Variants in SPEG observed in about 807,000 individuals in gnomAD.
SPEG encodes the protein striated muscle enriched protein kinase.
SPEG carries 114 observed loss-of-function variants against 300.4 expected under a neutral mutation model. The observed-to-expected ratio is 0.38, with a 90% CI of 0.33 to 0.44. The LOEUF is 0.44. Among genes scored for constraint, SPEG ranks in the 20% least tolerant of loss-of-function variants. SPEG has a pLI of 1.00. For missense variants in SPEG, 4,201 were observed against 4,586.2 expected (o/e 0.92, Z 2.43); for synonymous variants, 1,964 against 2,018.9 (o/e 0.97, Z 0.73).
chr2:219,491,984 C>G (rs181364856), intron 39 of SPEG, 115 bp downstream of exon 39: 1 of 1,346,334 alleles, frequency 7.4e-7, no homozygotes, highest in Non-Finnish European at 1.0e-6. Flanking sequence ...CACATCCACA[C>G]TGCACACTCA....
chr2:219,484,667 G>C lies in SPEG; in HGVS notation c.7204G>C (p.Glu2402Gln), dbSNP rs1246549122. 6.5e-7 allele frequency: 1 copy of C among 1,528,912 alleles called. No individual in the cohort carries two copies. The highest frequency in any genetic ancestry group is 1.2e-5 in the South Asian group (1 of 83,638). The allele number at this position is 1,528,912 out of a possible 1,614,324, so 94.7% of individuals were successfully genotyped here. ...RSVQDLRAVG[E>Q]PGLVRRLSLS... ...GGTGCAGGACCTCAGGGCTGTCGGA[G>C]AGCCTGGCCTCGTCCGCCGCCTCTC... Residue 2402 changes from glutamate (E) to glutamine (Q), a missense_variant, in exon 30 of 41, where the codon GAG (glutamate) becomes CAG (glutamine). Transcript: ENST00000312358.
chr2:219,482,310 C>T (rs1276150689), intron 28 of SPEG: 1 of 171,998 alleles, frequency 5.8e-6, no homozygotes, highest in Non-Finnish European at 1.3e-5. Context: ...CTTTCTCAGA[C>T]CGGAAATGAG....
rs999831564 is a variant in SPEG, at chr2:219,480,331, A to C, written c.5342+191A>C. ...GAGTCAGGGCTGCCCCATTCTCTCAAGGCCTCAGCCCTGTTAGTCCTTGAC... is the reference window on the plus strand; with the variant it reads ...GAGTCAGGGCTGCCCCATTCTCTCACGGCCTCAGCCCTGTTAGTCCTTGAC... On this transcript the variant is annotated intron_variant, in intron 25 of 40. Coordinates refer to ENST00000312358, the MANE Select transcript of SPEG (RefSeq NM_005876.5). The surrounding 1 kb of genome is among the most constrained non-coding windows in gnomAD (Gnocchi z 5.3). Among the ~76,000 whole-genome samples, 2 of 152,034 alleles carry C rather than the reference A, an allele frequency of 1.3e-5. No individual in the cohort carries two copies. The highest frequency in any genetic ancestry group is 4.8e-5 in the African/African-American group (2 of 41,376).
At chr2:219,454,717 G>GCAAC (rs1272589542) in intron 6 of SPEG, among the ~76,000 whole-genome samples, 1 of 152,200 alleles carries the variant, frequency 6.6e-6, no homozygotes, top group Non-Finnish European at 1.5e-5. Flanking sequence ...TCTGCCTAGG[G>GCAAC]ATGTTTTCAG....
At chr2:219,450,482 ATC>A (rs1689661289) in intron 4 of SPEG, among the ~76,000 whole-genome samples, 1 of 152,178 alleles carries the variant, frequency 6.6e-6, no homozygotes, top group South Asian at 2.1e-4. Context: ...GGAGTTTGTC[ATC>A]TCTCTGTATG....
chr2:219,460,275 C>G (rs1249360059), intron 6 of SPEG: 1 of 981,796 alleles, frequency 1.0e-6, no homozygotes, highest in Non-Finnish European at 1.2e-6. Context: ...TGAAGGAGGG[C>G]AAAGATCTTG....
At chr2:219,482,021 T>C in intron 28 of SPEG, 1 of 439,122 alleles carries the variant, frequency 2.3e-6, no homozygotes, top group South Asian at 2.8e-5. Flanking sequence ...ATCTCTGTCC[T>C]GCACTGGTCC....
chr2:219,458,321 A>G lies in SPEG; in HGVS notation c.2441-3561A>G, dbSNP rs957561646. On this transcript the variant is annotated intron_variant, in intron 6 of 40. Coordinates refer to ENST00000312358, the MANE Select transcript of SPEG (RefSeq NM_005876.5). The surrounding 1 kb of genome is among the most constrained non-coding windows in gnomAD (Gnocchi z 4.2). ...GGGGAGCTTGGCAAAGAGACCATGGAGCGGTGGTCCTCAGAGTGAGGCCCC... is the reference window on the plus strand; with the variant it reads ...GGGGAGCTTGGCAAAGAGACCATGGGGCGGTGGTCCTCAGAGTGAGGCCCC... Among the ~76,000 whole-genome samples, 3 of 151,838 alleles carry G rather than the reference A, an allele frequency of 2.0e-5. No homozygotes were observed. The highest frequency in any genetic ancestry group is 7.3e-5 in the African/African-American group (3 of 41,310).
At position 219,472,408 on chromosome 2, in the gene SPEG, C is replaced by T. The variant is rs1027046445; in HGVS notation, c.3940+77C>T. ...AGGCTCAGGCAGGACACCATGGGGGCCAGGCCCCAGAAGCGGATGGGCAGG... is the reference window on the plus strand; with the variant it reads ...AGGCTCAGGCAGGACACCATGGGGGTCAGGCCCCAGAAGCGGATGGGCAGG... On this transcript the variant is annotated intron_variant, in intron 15 of 40. Coordinates refer to ENST00000312358, the MANE Select transcript of SPEG (RefSeq NM_005876.5). 5.4e-6 allele frequency: 7 copies of T among 1,301,846 alleles called. No homozygotes were observed. The African/African-American group carries it at 7.3e-5, about 14-fold the overall frequency. 80.6% of individuals were successfully genotyped at this position (1,301,846 alleles called of 1,614,324 possible). A position where few individuals can be genotyped will look rare whatever the true frequency, so the allele number is the denominator to read the frequency against.
In SPEG at chr2:219,447,924, G is replaced by A. The variant is rs757964272; in HGVS notation, c.816-50G>A. On this transcript the variant is annotated intron_variant, in intron 3 of 40. Transcript: ENST00000312358. ...ATTCCTGTCACAAGCTAAGGGTCTA[G>A]GAGAGGAGGCCCCCTGAATCCTCTA... 4 of 1,561,818 alleles carry A rather than the reference G, an allele frequency of 2.6e-6. No individual in the cohort carries two copies. The Admixed American group carries it at 6.8e-5, about 27-fold the overall frequency.
chr2:219,483,289 G>C lies in SPEG; in HGVS notation c.5826G>C (p.Glu1942Asp). The C allele has an allele frequency of 6.2e-7, 1 of 1,607,414 alleles. No homozygotes were observed. The highest frequency in any genetic ancestry group is 8.5e-7 in the Non-Finnish European group (1 of 1,177,066). The change falls in exon 30 of 41, where the codon GAG becomes GAC. Residue 1942 changes from glutamate to aspartate, a missense_variant. Physicochemically the swap from Glu to Asp is conservative, Grantham distance 45. This residue lies in a region of SPEG where 1,578 missense variants were observed against 1,506.0 expected (regional missense o/e 1.05). Coordinates refer to ENST00000312358, the MANE Select transcript of SPEG (RefSeq NM_005876.5). ...LPSVPRPLQPEFSGSRVSLTD... is the reference protein window; with the variant it reads ...LPSVPRPLQPDFSGSRVSLTD... ...CAGTGCCCCGCCCACTGCAGCCCGA[G>C]TTCTCTGGCTCCCGGGTGTCCCTCA...
At position 219,477,137 on chromosome 2, in the gene SPEG, A is replaced by G. The variant is rs141896397; in HGVS notation, c.4561-140A>G. ...AGAGGACTGACTAGCTGAGGGGTGC[A>G]GGGCTTTCTGTGGGAGATAAGGGAG... is the stretch of plus-strand genomic sequence containing the variant. On this transcript the variant is annotated intron_variant, in intron 19 of 40. Transcript: ENST00000312358. This position sits in a 1 kb window ranked among gnomAD's most constrained non-coding sequence, Gnocchi z 6.4. The G allele has an allele frequency of 1.7e-3, 1,697 of 989,450 alleles. 34 individuals carry two copies. In the East Asian group the frequency reaches 0.04, roughly 23 times the overall value. The allele number at this position is 989,450 out of a possible 1,614,324, so 61.3% of individuals were successfully genotyped here.
chr2:219,463,928 C>T lies in SPEG; in HGVS notation c.2706-505C>T, dbSNP rs528569961. Among the ~76,000 whole-genome samples the T allele has an allele frequency of 4.6e-5, 7 of 152,070 alleles. No homozygotes were observed. In the East Asian group the frequency reaches 9.7e-4, roughly 21 times the overall value. On this transcript the variant is annotated intron_variant, in intron 8 of 40. Transcript: ENST00000312358. ...TTTGAGCCCAGAAGTTCAAGACCAG[C>T]GTGGACAACATGGTGAAACCCTGTA...
At chr2:219,440,992 G>T (rs1216978516) in intron 1 of SPEG, among the ~76,000 whole-genome samples, 2 of 152,216 alleles carry the variant, frequency 1.3e-5, no homozygotes, top group Non-Finnish European at 2.9e-5. Flanking sequence ...TAAGTGATAG[G>T]ACTTCTCTGA....
rs1238503366 is a variant in SPEG, at chr2:219,448,181, G to A, written c.1023G>A (p.Glu341=). ...CGTCGCCCCACCGTCGCACTCAGGA[G>A]CCTGTGCTGCCCGAGGACACCACCA... The part of the protein sequence containing the change: ...TPTSPHRRTQ[E]PVLPEDTTTE... Residue 341 remains glutamate, a synonymous_variant, in exon 4 of 41, where the codon GAG becomes GAA. Coordinates refer to ENST00000312358, the MANE Select transcript of SPEG (RefSeq NM_005876.5). 2.5e-6 allele frequency: 4 copies of A among 1,612,062 alleles called. No individual in the cohort carries two copies. Among genetic ancestry groups the A allele is most frequent in the Admixed American group, 3.3e-5 (2 of 59,946 alleles).
At position 219,484,029 on chromosome 2, in the gene SPEG, C is replaced by T. The variant is rs10755037; in HGVS notation, c.6566C>T (p.Pro2189Leu). The T allele has an allele frequency of 0.26, 414,795 of 1,613,380 alleles. 55,790 individuals carry two copies. The highest frequency in any genetic ancestry group is 0.44 in the South Asian group (40,488 of 91,072). The change falls in exon 30 of 41, where the codon CCT becomes CTT. Residue 2189 changes from proline to leucine, a missense_variant. Coordinates refer to ENST00000312358, the MANE Select transcript of SPEG (RefSeq NM_005876.5). ...ARPSAPKPST[P>L]KSAEPSATTP... ...CCCAGCGCCCCCAAACCCAGTACCC[C>T]TAAGTCTGCAGAACCTTCTGCCACC...
chr2:219,440,150 A>G (rs988446337), intron 1 of SPEG, among the ~76,000 whole-genome samples: 1 of 152,228 alleles, frequency 6.6e-6, no homozygotes, highest in African/African-American at 2.4e-5. Context: ...TGGAATGCCG[A>G]GGCAGGAGAA....
intron 1 of SPEG, among the ~76,000 whole-genome samples, chr2:219,436,131 T>G (rs1055220793): frequency 1.3e-5 from 2 of 152,174 alleles, no homozygotes; most frequent in Non-Finnish European, 2.9e-5. Flanking sequence ...AGTGGATGTT[T>G]CCAGAGCATG....
At chr2:219,465,500 C>T in intron 9 of SPEG, 1 of 158,030 alleles carries the variant, frequency 6.3e-6, no homozygotes, top group Non-Finnish European at 1.4e-5. Context: ...CCTCCCCGGC[C>T]TGCTTTCTCT....
Sources: gnomAD v4.1 joint callset for allele counts (sites outside exome capture counted in the v4.1 genomes callset) on GRCh38, gnomAD v4.1.1 for gene constraint, gnomAD v4.1.1 regional missense constraint, Gnocchi (gnomAD v3.1) non-coding constraint, MANE v1.5 for transcripts, NCBI Gene and HGNC (gene_info 2026-07-23, HGNC 2026-07-21) for gene names.